PRKG1: variants seen among roughly 807,000 people sequenced by gnomAD.
The protein encoded by PRKG1 is protein kinase cGMP-dependent 1.
PRKG1 carries 35 observed loss-of-function variants against 88.1 expected under a neutral mutation model. That is an observed-to-expected ratio of 0.40 (90% CI 0.30 to 0.53). The LOEUF (loss-of-function observed/expected upper bound fraction) is 0.53. PRKG1 is among the 20% of genes least tolerant of loss of function. The pLI, the probability that PRKG1 is intolerant of heterozygous loss-of-function variation, is 0.59. For synonymous variants in PRKG1, 303 were observed against 292.5 expected (o/e 1.04, Z -0.37); for missense variants, 540 against 839.8 (o/e 0.64, Z 4.41).
chr10:51,384,899 C>T (rs1054539817), intron 2 of PRKG1, among the ~76,000 whole-genome samples: 8 of 152,198 alleles, frequency 5.3e-5, no homozygotes, highest in African/African-American at 1.9e-4. Flanking sequence ...GCACATAACT[C>T]TGTTTTCATG....
At chr10:51,097,686 G>A (rs1157067048) in intron 1 of PRKG1, among the ~76,000 whole-genome samples, 1 of 151,910 alleles carries the variant, frequency 6.6e-6, no homozygotes, top group Non-Finnish European at 1.5e-5. Flanking sequence ...TGCAGTGCCC[G>A]CCCTCCTTCA....
chr10:50,994,795 A>T (rs1398750824), intron 1 of PRKG1, among the ~76,000 whole-genome samples: 1 of 136,032 alleles, frequency 7.4e-6, no homozygotes, highest in Non-Finnish European at 1.5e-5. Flanking sequence ...CAACCAACTG[A>T]GGATCAAAAC....
At chr10:51,527,182 T>A (rs1246732778) in intron 3 of PRKG1, among the ~76,000 whole-genome samples, 1 of 152,082 alleles carries the variant, frequency 6.6e-6, no homozygotes, top group African/African-American at 2.4e-5. Context: ...TATGACTTTA[T>A]AAAGACATAG....
At chr10:51,784,418 GA>G (rs1349269392) in intron 3 of PRKG1, among the ~76,000 whole-genome samples, 2 of 152,098 alleles carry the variant, frequency 1.3e-5, no homozygotes, top group African/African-American at 4.8e-5. Flanking sequence ...TCTTAAACCA[GA>G]AGCATACGTT....
At chr10:52,055,553 A>G (rs1564449669) in intron 6 of PRKG1, among the ~76,000 whole-genome samples, 1 of 152,194 alleles carries the variant, frequency 6.6e-6, no homozygotes, top group East Asian at 1.9e-4. Flanking sequence ...GATTAATGCT[A>G]TACTATTGTA....
chr10:51,821,257 G>A (rs1367845105), intron 4 of PRKG1, among the ~76,000 whole-genome samples: 1 of 152,078 alleles, frequency 6.6e-6, no homozygotes. Context: ...CTGACAAAGG[G>A]CATTTGGATT....
intron 3 of PRKG1, among the ~76,000 whole-genome samples, chr10:51,768,020 T>A (rs111502252): frequency 0.04 from 5,868 of 146,752 alleles, 356 homozygotes; most frequent in African/African-American, 0.14. Context: ...AAAAAAAAAA[T>A]AAATAAATAA....
At chr10:51,984,821 T>C (rs1428872104) in intron 5 of PRKG1, among the ~76,000 whole-genome samples, 1 of 152,144 alleles carries the variant, frequency 6.6e-6, no homozygotes, top group Non-Finnish European at 1.5e-5. Flanking sequence ...AAAGCTAATA[T>C]TAGAAGATTT....
intron 7 of PRKG1, among the ~76,000 whole-genome samples, chr10:52,086,133 T>C (rs1295873110): frequency 6.6e-6 from 1 of 152,092 alleles, no homozygotes; most frequent in Non-Finnish European, 1.5e-5. Flanking sequence ...ATGTGTACTA[T>C]GCTTTTAATG....
At chr10:51,750,581 C>CA (rs1159988615) in intron 3 of PRKG1, among the ~76,000 whole-genome samples, 1 of 152,120 alleles carries the variant, frequency 6.6e-6, no homozygotes, top group Non-Finnish European at 1.5e-5. Flanking sequence ...CTGTTTCAGG[C>CA]AAAACAGTCC....
intron 3 of PRKG1, among the ~76,000 whole-genome samples, chr10:51,490,904 T>G (rs1415521380): frequency 2.0e-5 from 3 of 152,014 alleles, no homozygotes; most frequent in Non-Finnish European, 4.4e-5. Context: ...TTGAGATGCA[T>G]CAAAGAAACA....
At chr10:52,161,558 T>C (rs1838276142) in intron 8 of PRKG1, among the ~76,000 whole-genome samples, 2 of 152,136 alleles carry the variant, frequency 1.3e-5, no homozygotes, top group South Asian at 4.1e-4. Flanking sequence ...TTTAATTGAC[T>C]GATTAACTTT....
At chr10:52,041,790 T>G (rs1239863481) in intron 5 of PRKG1, among the ~76,000 whole-genome samples, 4 of 152,154 alleles carry the variant, frequency 2.6e-5, no homozygotes, top group African/African-American at 9.7e-5. Flanking sequence ...CTTGTGATCT[T>G]AAATATGTAA....
chr10:51,160,231 T>C lies in PRKG1; in HGVS notation c.478+6901T>C, dbSNP rs149550668. ...TGTTTAGTTTTGAATATTCTTTTAC[T>C]TATATAAATCTAATAATTTTGCACG... On this transcript the variant is annotated intron_variant, in intron 2 of 17. Coordinates refer to ENST00000373980, the MANE Select transcript of PRKG1 (RefSeq NM_006258.4). 1.3e-3 allele frequency among the ~76,000 whole-genome samples: 204 copies of C among 152,350 alleles called. 1 individual carries two copies. The highest frequency in any genetic ancestry group is 4.7e-3 in the African/African-American group (195 of 41,590).
chr10:51,016,253 A>G (rs921768968), intron 1 of PRKG1, among the ~76,000 whole-genome samples: 1 of 152,160 alleles, frequency 6.6e-6, no homozygotes, highest in South Asian at 2.1e-4. Context: ...TAAAACATCA[A>G]GTTGCACTGT....
chr10:51,658,955 A>G (rs1221664924), intron 3 of PRKG1, among the ~76,000 whole-genome samples: 1 of 152,086 alleles, frequency 6.6e-6, no homozygotes, highest in African/African-American at 2.4e-5. Context: ...CCATATTACT[A>G]GACAAAAATG....
chr10:51,565,076 T>C (rs1021509999), intron 3 of PRKG1, among the ~76,000 whole-genome samples: 1 of 152,084 alleles, frequency 6.6e-6, no homozygotes, highest in African/African-American at 2.4e-5. Context: ...AGAGAGTGAA[T>C]AGTACTCCCC....
At chr10:52,283,708 T>C (rs1246362258) in intron 14 of PRKG1, among the ~76,000 whole-genome samples, 1 of 152,052 alleles carries the variant, frequency 6.6e-6, no homozygotes, top group African/African-American at 2.4e-5. Flanking sequence ...ACCAATTAAG[T>C]AGACCTGTAA....
At chr10:51,715,687 A>G (rs1028896385) in intron 3 of PRKG1, among the ~76,000 whole-genome samples, 3 of 152,184 alleles carry the variant, frequency 2.0e-5, no homozygotes, top group Non-Finnish European at 4.4e-5. Context: ...TAAAGGGGAC[A>G]TATTGCCATT....
Sources: allele counts gnomAD v4.1 joint callset (sites outside exome capture counted in the v4.1 genomes callset), GRCh38; gene constraint gnomAD v4.1.1; transcripts MANE v1.5; gene names NCBI Gene and HGNC (gene_info 2026-07-23, HGNC 2026-07-21).